CCDC30: variants seen among roughly 807,000 people sequenced by gnomAD.
CCDC30 encodes coiled-coil domain-containing protein 30.
CCDC30 carries 70 observed loss-of-function variants against 100.2 expected under a neutral mutation model. The observed-to-expected ratio is 0.70, with a 90% CI of 0.58 to 0.85. The LOEUF is 0.85. Among genes scored for constraint, CCDC30 ranks in the 40% least tolerant of loss-of-function variants. CCDC30 has a pLI of 0.00. For missense variants in CCDC30, 652 were observed against 771.2 expected (o/e 0.85, Z 1.83); for synonymous variants, 233 against 269.5 (o/e 0.86, Z 1.33).
chr1:42,609,609 C>G (rs1646577412), intron 10 of CCDC30, among the ~76,000 whole-genome samples: 1 of 152,060 alleles, frequency 6.6e-6, no homozygotes, highest in Non-Finnish European at 1.5e-5. Flanking sequence ...ATATGGCAGT[C>G]CCAAAGTCAG....
At chr1:42,581,412 A>G in exon 9 of CCDC30, 1 of 1,613,784 alleles carries the variant, frequency 6.2e-7, no homozygotes, top group Non-Finnish European at 8.5e-7. Flanking sequence ...TGTCTCACAG[A>G]CACTTGTATT....
chr1:42,578,065 T>C (rs1645879666), intron 8 of CCDC30, among the ~76,000 whole-genome samples: 1 of 152,174 alleles, frequency 6.6e-6, no homozygotes, highest in African/African-American at 2.4e-5. Context: ...CATTTTGAAA[T>C]ATTGTCCCTT....
rs191912357 is a variant in CCDC30, at chr1:42,544,363, G to A, written c.457-21933G>A. Among the ~76,000 whole-genome samples the A allele has an allele frequency of 5.9e-5, 9 of 152,284 alleles. No homozygotes were observed. In the East Asian group the frequency reaches 1.7e-3, roughly 29 times the overall value. ...GCAAATGGTTTGCCAAATCACAAAA[G>A]GCAGTGATTCTCAAAGCATCTACTT... On this transcript the variant is annotated intron_variant, in intron 6 of 16. Transcript: ENST00000668663.
At chr1:42,549,877 CT>C (rs1484245602) in intron 6 of CCDC30, among the ~76,000 whole-genome samples, 1 of 152,192 alleles carries the variant, frequency 6.6e-6, no homozygotes, top group Non-Finnish European at 1.5e-5. Context: ...CTTCCTTGAC[CT>C]TAATGAGCTT....
chr1:42,633,647 T>C (rs1372212492), intron 11 of CCDC30, among the ~76,000 whole-genome samples: 2 of 152,202 alleles, frequency 1.3e-5, no homozygotes, highest in African/African-American at 4.8e-5. Flanking sequence ...CCGTGTCTCA[T>C]ATCTGTAATC....
intron 11 of CCDC30, among the ~76,000 whole-genome samples, chr1:42,625,051 G>T (rs1002513699): frequency 6.6e-6 from 1 of 151,882 alleles, no homozygotes; most frequent in Non-Finnish European, 1.5e-5. Context: ...TTATGGCTTT[G>T]ATTTCCTTAT....
intron 9 of CCDC30, 81 bp from the exon 14 acceptor site, chr1:42,589,240 C>CG: frequency 1.7e-6 from 2 of 1,175,926 alleles, no homozygotes; most frequent in Non-Finnish European, 2.4e-6. Context: ...AAAAAAAATC[C>CG]CTTGTGATGC....
chr1:42,615,068 G>C (rs1646699282), intron 11 of CCDC30, among the ~76,000 whole-genome samples: 2 of 152,228 alleles, frequency 1.3e-5, no homozygotes, highest in Non-Finnish European at 2.9e-5. Context: ...GAGGAGATGG[G>C]AGGAAACCTC....
chr1:42,566,766 C>A (rs995449570), intron 7 of CCDC30, among the ~76,000 whole-genome samples: 5 of 152,086 alleles, frequency 3.3e-5, no homozygotes, highest in African/African-American at 1.2e-4. Flanking sequence ...GTTGTCCTGC[C>A]CTGTGTATCA....
intron 14 of CCDC30, among the ~76,000 whole-genome samples, chr1:42,645,729 T>C (rs993694804): frequency 3.3e-5 from 5 of 152,176 alleles, no homozygotes; most frequent in Non-Finnish European, 7.3e-5. Context: ...TGATATCCAG[T>C]AATTTATGTC....
chr1:42,604,406 T>C (rs571429501), intron 10 of CCDC30, among the ~76,000 whole-genome samples: 39 of 152,314 alleles, frequency 2.6e-4, no homozygotes, highest in Non-Finnish European at 4.4e-4. Flanking sequence ...ACTCCTCAGG[T>C]TGAAAGCCAG....
chr1:42,590,697 C>A (rs1646169020), intron 10 of CCDC30: 1 of 151,876 alleles, frequency 6.6e-6, no homozygotes, highest in Non-Finnish European at 1.5e-5. Flanking sequence ...GATCATGCCA[C>A]TACACTACAG....
chr1:42,476,844 C>T (rs1408984615), intron 1 of CCDC30, among the ~76,000 whole-genome samples: 4 of 150,098 alleles, frequency 2.7e-5, no homozygotes, highest in Admixed American at 2.0e-4. Flanking sequence ...TTCCTTTTTT[C>T]CTTTTAGAAA....
At chr1:42,504,484 G>A (rs1328874086) in intron 6 of CCDC30, among the ~76,000 whole-genome samples, 1 of 152,188 alleles carries the variant, frequency 6.6e-6, no homozygotes, top group African/African-American at 2.4e-5. Context: ...CAGAAGAAAG[G>A]CATGTCGATG....
chr1:42,577,077 T>C, exon 8 of CCDC30: 4 of 1,614,098 alleles, frequency 2.5e-6, no homozygotes, highest in Non-Finnish European at 3.4e-6. Context: ...AAAGATGTGC[T>C]CTTCACTCAC....
chr1:42,610,938 T>C (rs781292658), intron 10 of CCDC30, 40 bp from the exon 15 acceptor site: 30 of 1,066,206 alleles, frequency 2.8e-5, no homozygotes, highest in Non-Finnish European at 3.9e-5. Context: ...ATCATACCTT[T>C]GTCAGGTCAG....
At chr1:42,505,372 T>A (rs1250451095) in intron 6 of CCDC30, among the ~76,000 whole-genome samples, 2 of 152,192 alleles carry the variant, frequency 1.3e-5, no homozygotes, top group Non-Finnish European at 2.9e-5. Flanking sequence ...AGGAAATCAT[T>A]ACTTGATTCA....
chr1:42,569,168 G>T (rs1557862361), intron 7 of CCDC30: 2 of 152,096 alleles, frequency 1.3e-5, no homozygotes. Context: ...CACAGCAAAA[G>T]AAACTATCAT....
intron 6 of CCDC30, among the ~76,000 whole-genome samples, chr1:42,525,737 T>C (rs1644714064): frequency 6.6e-6 from 1 of 152,244 alleles, no homozygotes; most frequent in Non-Finnish European, 1.5e-5. Context: ...TAATTCTTTC[T>C]GGATTGTTTT....
Sources: allele counts gnomAD v4.1 joint callset (sites outside exome capture counted in the v4.1 genomes callset), GRCh38; gene constraint gnomAD v4.1.1; transcripts MANE v1.5; gene names NCBI Gene and HGNC (gene_info 2026-07-23, HGNC 2026-07-21).